DHX29: variants seen among roughly 807,000 people sequenced by gnomAD.
DHX29 encodes the protein ATP-dependent RNA helicase DHX29.
In DHX29, 79 loss-of-function variants were observed where a neutral mutation model predicts 167.9. The observed-to-expected ratio is 0.47, with a 90% confidence interval of 0.39 to 0.57. The LOEUF (loss-of-function observed/expected upper bound fraction) is 0.57, where lower values mean the gene tolerates loss of function less well. DHX29 is among the 20% of genes least tolerant of loss of function. The pLI, the probability that DHX29 is intolerant of heterozygous loss-of-function variation, is 0.00. For missense variants in DHX29, 1,347 were observed against 1,593.4 expected (o/e 0.85, Z 2.63); for synonymous variants, 530 against 546.0 (o/e 0.97, Z 0.41).
At chr5:55,296,175 C>G (rs1295776684) in intron 4 of DHX29, 45 bp downstream of exon 4, 1 of 1,560,400 alleles carries the variant, frequency 6.4e-7, no homozygotes, top group African/African-American at 1.4e-5. Flanking sequence ...ACCAAAACTA[C>G]TTCAAAAGGT....
At chr5:55,291,829 C>T (rs1405800519) in intron 6 of DHX29, among the ~76,000 whole-genome samples, 1 of 152,164 alleles carries the variant, frequency 6.6e-6, no homozygotes, top group Non-Finnish European at 1.5e-5. Flanking sequence ...GAGGTCCATC[C>T]GTGTTGTAGC....
chr5:55,267,544 A>T, intron 22 of DHX29, 142 bp downstream of exon 22: 1 of 719,808 alleles, frequency 1.4e-6, no homozygotes, highest in South Asian at 3.2e-5. Flanking sequence ...AATCTCTAAC[A>T]TAATTATACC....
intron 1 of DHX29, among the ~76,000 whole-genome samples, chr5:55,302,116 G>A (rs371140140): frequency 2.0e-5 from 3 of 152,072 alleles, no homozygotes; most frequent in East Asian, 3.9e-4. Flanking sequence ...TTTCCTTATC[G>A]TCTAGTCTCA....
intron 3 of DHX29, among the ~76,000 whole-genome samples, chr5:55,296,932 GC>G (rs1399850499): frequency 6.6e-6 from 1 of 152,072 alleles, no homozygotes; most frequent in African/African-American, 2.4e-5. Context: ...ATAATTTATG[GC>G]ATCTTTGCAA....
intron 17 of DHX29, 135 bp from the exon 18 acceptor site, chr5:55,272,310 G>T: frequency 1.6e-6 from 1 of 609,812 alleles, no homozygotes; most frequent in Non-Finnish European, 2.8e-6. Flanking sequence ...CAATCTATTT[G>T]CTATTACTGT....
chr5:55,266,999 C>A lies in DHX29; in HGVS notation c.3525+139G>T, dbSNP rs914113475. The A allele has an allele frequency of 7.2e-6, 4 of 552,046 alleles. No homozygotes were observed. In the African/African-American group the frequency reaches 7.6e-5, roughly 11 times the overall value. 34.2% of individuals were successfully genotyped at this position (552,046 alleles called of 1,614,324 possible). A position where few individuals can be genotyped will look rare whatever the true frequency, so the allele number is the denominator to read the frequency against. On this transcript the variant is annotated intron_variant, in intron 23 of 26. Transcript: ENST00000251636. The stretch of plus-strand genomic sequence containing the variant: ...AGTTACTTGCTGGAAGAAAGAAGTA[C>A]AATCACAAATGTACTAATTCAACAA...
rs572972674 is a variant in DHX29 at position 55,266,412 on chromosome 5, T to G, written c.3525+726A>C. ...ACAACCTCCATCTCCTCGGTTCAAG[T>G]GATTCTTGTGCCTCAGCCTCCCGAG... On this transcript the variant is annotated intron_variant, in intron 23 of 26. Coordinates refer to ENST00000251636, the MANE Select transcript of DHX29 (RefSeq NM_019030.4). 2.0e-5 allele frequency among the ~76,000 whole-genome samples: 3 copies of G among 148,254 alleles called. No individual in the cohort carries two copies. The South Asian group carries it at 6.4e-4, about 32-fold the overall frequency.
Position 55,270,675 on chromosome 5 carries a change from C to T in DHX29, c.2896G>A (p.Val966Met), listed in dbSNP as rs1299056735. The T allele has an allele frequency of 1.2e-6, 2 of 1,613,276 alleles. No homozygotes were observed. The highest frequency in any genetic ancestry group is 3.3e-5 in the Admixed American group (2 of 60,010). Residue 966 changes from valine (V) to methionine (M), a missense_variant, in exon 19 of 27, where the codon GTG becomes ATG. By Grantham distance (21) the Val-to-Met change is conservative (BLOSUM62 1). Transcript: ENST00000251636. Reference protein sequence around the residue: ...YHESSQMSSLVETFVSKASAL... With the variant: ...YHESSQMSSLMETFVSKASAL... ...CTGGCTTTACTGACAAACGTCTCCA[C>T]CAAAGAACTCATCTGACTGCTTTCA... is the stretch of plus-strand genomic sequence containing the variant.
intron 1 of DHX29, 89 bp from the exon 2 acceptor site, chr5:55,298,753 G>T (rs149824422): frequency 4.7e-6 from 3 of 641,378 alleles, no homozygotes; most frequent in Non-Finnish European, 8.2e-6. Flanking sequence ...ATATTAGGCC[G>T]GGCGCGGTGG....
rs1346655075 is a variant in DHX29, at chr5:55,307,503, C to A, written c.71G>T (p.Arg24Ile). Residue 24 changes from arginine (R) to isoleucine (I), a missense_variant, in exon 1 of 27, where the codon AGA becomes ATA. Around this residue, in one of 3 missense-constraint regions of DHX29, gnomAD observed 405 missense variants for 416.8 expected, o/e 0.97. Transcript: ENST00000251636. ...AVVRAAVSAS[R>I]AKSAEAGIAG... ...AATTCCAGCCTCGGCAGATTTGGCT[C>A]TGGAAGCAGACACGGCGGCCCGGAC... 6.2e-7 allele frequency: 1 copy of A among 1,613,728 alleles called. No individual in the cohort carries two copies. Among genetic ancestry groups the A allele is most frequent in the African/African-American group, 1.3e-5 (1 of 75,076 alleles).
intron 26 of DHX29, among the ~76,000 whole-genome samples, chr5:55,258,210 A>G (rs942527775): frequency 6.6e-6 from 1 of 152,232 alleles, no homozygotes; most frequent in Non-Finnish European, 1.5e-5. Flanking sequence ...GGGAGAATAC[A>G]GCACCAACTA....
intron 23 of DHX29, among the ~76,000 whole-genome samples, chr5:55,265,788 A>G (rs1267085971): frequency 6.6e-6 from 1 of 152,122 alleles, no homozygotes; most frequent in Admixed American, 6.6e-5. Flanking sequence ...AAAAAATCTG[A>G]TACCTTGGAT....
chr5:55,292,194 GT>G (rs981566721), intron 6 of DHX29, among the ~76,000 whole-genome samples: 3 of 151,870 alleles, frequency 2.0e-5, no homozygotes, highest in Non-Finnish European at 4.4e-5. Flanking sequence ...ATTATTTCCA[GT>G]TTTTTTTGAC....
intron 23 of DHX29, among the ~76,000 whole-genome samples, chr5:55,265,487 C>T (rs1746513735): frequency 6.6e-6 from 1 of 151,684 alleles, no homozygotes. Flanking sequence ...CGCAAGGATA[C>T]AATCAGCCAT....
At chr5:55,259,285 G>C (rs755607732) in intron 26 of DHX29, among the ~76,000 whole-genome samples, 1 of 152,088 alleles carries the variant, frequency 6.6e-6, no homozygotes, top group Non-Finnish European at 1.5e-5. Context: ...AAAAGAGACA[G>C]GAGTAAACTA....
In DHX29 at chr5:55,295,526, TTAAAA is replaced by T. The variant is rs1228841917; in HGVS notation, c.506-7_506-3del. On this transcript the variant is annotated splice_region_variant and splice_polypyrimidine_tract_variant and intron_variant, in intron 4 of 26. Transcript: ENST00000251636. The stretch of plus-strand genomic sequence containing the variant: ...GACTGAATCCTTCAGGAAGTGCATC[TTAAAA>T]TAAAAGAAACTATGCTGAAAATAAA... 2 of 1,608,886 alleles carry T rather than the reference TTAAAA, an allele frequency of 1.2e-6. No individual in the cohort carries two copies. The highest frequency in any genetic ancestry group is 1.7e-5 in the Admixed American group (1 of 58,528).
chr5:55,270,743 T>C (rs1746815747), intron 18 of DHX29, 37 bp from the exon 19 acceptor site: 7 of 1,563,086 alleles, frequency 4.5e-6, no homozygotes, highest in Non-Finnish European at 6.1e-6. Context: ...TGTAGATAAT[T>C]GACTTAAGTC....
chr5:55,270,729 A>G, intron 18 of DHX29, 23 bp from the exon 19 acceptor site: 1 of 1,592,752 alleles, frequency 6.3e-7, no homozygotes, highest in Non-Finnish European at 8.6e-7. Context: ...TTTAGGAGAG[A>G]ATATGTAGAT....
intron 8 of DHX29, among the ~76,000 whole-genome samples, chr5:55,287,946 A>G (rs1326159196): frequency 1.3e-5 from 2 of 151,126 alleles, no homozygotes; most frequent in African/African-American, 4.9e-5. Context: ...AAGAAAAAAA[A>G]AAAAAAAAGA....
Sources: allele counts gnomAD v4.1 joint callset (sites outside exome capture counted in the v4.1 genomes callset), GRCh38; gene constraint gnomAD v4.1.1; regional missense constraint gnomAD v4.1.1; transcripts MANE v1.5; gene names NCBI Gene and HGNC (gene_info 2026-07-23, HGNC 2026-07-21).